Variants in PPARGC1A observed in about 807,000 individuals in gnomAD.
PPARGC1A encodes peroxisome proliferator-activated receptor gamma coactivator 1-alpha.
In PPARGC1A, 25 loss-of-function variants were observed where a neutral mutation model predicts 88.7. The ratio of observed to expected loss-of-function variants is 0.28; its 90% CI spans 0.21 to 0.39. The LOEUF is 0.39. PPARGC1A is among the 10% of genes least tolerant of loss of function. The pLI is 1.00. For synonymous variants in PPARGC1A, 363 were observed against 355.6 expected (o/e 1.02, Z -0.24); for missense variants, 880 against 968.7 (o/e 0.91, Z 1.22).
the PPARGC1A span, among the ~76,000 whole-genome samples, chr4:24,084,140 A>G: frequency 1.3e-5 from 2 of 152,166 alleles, no homozygotes; most frequent in African/African-American, 4.8e-5. Flanking sequence ...TTGTACCCTC[A>G]AGGCTTGGCT....
chr4:24,155,674 C>T, the PPARGC1A span, among the ~76,000 whole-genome samples: 2 of 151,806 alleles, frequency 1.3e-5, no homozygotes, highest in Non-Finnish European at 2.9e-5. Flanking sequence ...TGTGGTTTAG[C>T]TGCAAACAAA....
At chr4:24,351,598 CA>C in the PPARGC1A span, among the ~76,000 whole-genome samples, 1 of 151,892 alleles carries the variant, frequency 6.6e-6, no homozygotes, top group African/African-American at 2.4e-5. Context: ...CTCCATTTAC[CA>C]AAAAAATTCA....
chr4:23,969,212 A>C, the PPARGC1A span, among the ~76,000 whole-genome samples: 1 of 152,204 alleles, frequency 6.6e-6, no homozygotes, highest in African/African-American at 2.4e-5. Flanking sequence ...AGTCTCGATA[A>C]ATGTCTGTTT....
At chr4:24,300,496 A>G in the PPARGC1A span, among the ~76,000 whole-genome samples, 20 of 151,904 alleles carry the variant, frequency 1.3e-4, no homozygotes, top group African/African-American at 4.1e-4. Context: ...ACTCAGGTAG[A>G]TAACTATAAA....
At chr4:24,349,360 C>T in the PPARGC1A span, among the ~76,000 whole-genome samples, 1 of 152,182 alleles carries the variant, frequency 6.6e-6, no homozygotes, top group East Asian at 1.9e-4. Context: ...GGCCCTAGAA[C>T]TCCCAGGATT....
chr4:24,392,114 T>A, the PPARGC1A span, among the ~76,000 whole-genome samples: 1 of 152,172 alleles, frequency 6.6e-6, no homozygotes, highest in Non-Finnish European at 1.5e-5. Flanking sequence ...TCATTCGCTT[T>A]TTTCCTGGAT....
the PPARGC1A span, among the ~76,000 whole-genome samples, chr4:24,106,879 C>T: frequency 6.6e-6 from 1 of 152,182 alleles, no homozygotes; most frequent in Admixed American, 6.5e-5. Context: ...CCTGGCCTAG[C>T]AGCAGAACTG....
At chr4:24,218,730 C>T in the PPARGC1A span, among the ~76,000 whole-genome samples, 1 of 152,244 alleles carries the variant, frequency 6.6e-6, no homozygotes, top group African/African-American at 2.4e-5. Context: ...CAGTTACCAG[C>T]ATCCCTCCTC....
the PPARGC1A span, among the ~76,000 whole-genome samples, chr4:24,182,087 C>A: frequency 6.6e-6 from 1 of 151,912 alleles, no homozygotes; most frequent in African/African-American, 2.4e-5. Flanking sequence ...ACCTATCATC[C>A]CGTCATATAG....
the PPARGC1A span, among the ~76,000 whole-genome samples, chr4:24,245,819 C>G: frequency 6.6e-6 from 1 of 151,898 alleles, no homozygotes; most frequent in Admixed American, 6.6e-5. Context: ...TAATCATATC[C>G]CTATTCAGAT....
In PPARGC1A at chr4:23,832,906, G is replaced by A. The variant is rs865793567; in HGVS notation, c.235-1155C>T. 2.8e-5 allele frequency among the ~76,000 whole-genome samples: 4 copies of A among 140,662 alleles called. No homozygotes were observed. The East Asian group carries it at 6.0e-4, about 21-fold the overall frequency. The allele number at this position is 140,662 out of a possible 152,430, so 92.3% of individuals were successfully genotyped here. ...ATTACCGGCGTGAGCTACTGCGCCC[G>A]GCCCCAGTGCACTATTATTTCTAAT... On this transcript the variant is annotated intron_variant, in intron 2 of 12. Coordinates refer to ENST00000264867, the MANE Select transcript of PPARGC1A (RefSeq NM_013261.5).
chr4:23,974,335 T>G, the PPARGC1A span, among the ~76,000 whole-genome samples: 1 of 152,144 alleles, frequency 6.6e-6, no homozygotes, highest in Admixed American at 6.5e-5. Flanking sequence ...ACCATAACAA[T>G]TGCTGAGTGC....
chr4:23,902,552 CA>C (rs1265559940), upstream of PPARGC1A, among the ~76,000 whole-genome samples: 2 of 152,098 alleles, frequency 1.3e-5, no homozygotes, highest in Non-Finnish European at 2.9e-5. Flanking sequence ...ACATCTGTTG[CA>C]AAACATATAG....
the PPARGC1A span, among the ~76,000 whole-genome samples, chr4:24,383,081 A>G: frequency 5.1e-4 from 78 of 152,342 alleles, no homozygotes; most frequent in Non-Finnish European, 1.0e-3. Context: ...ATACCCACGC[A>G]AACAGGGTCT....
chr4:24,032,207 T>C, the PPARGC1A span, among the ~76,000 whole-genome samples: 1 of 152,226 alleles, frequency 6.6e-6, no homozygotes, highest in African/African-American at 2.4e-5. Flanking sequence ...CATTTTCTCA[T>C]AACCTTTTGA....
chr4:24,387,838 A>AAGAAAG, the PPARGC1A span, among the ~76,000 whole-genome samples: 13 of 72,490 alleles, frequency 1.8e-4, no homozygotes, highest in South Asian at 5.1e-4. Flanking sequence ...GAAAGAGAGA[A>AAGAAAG]AGAGAGAGAG....
chr4:24,086,159 G>A, the PPARGC1A span, among the ~76,000 whole-genome samples: 1 of 151,982 alleles, frequency 6.6e-6, no homozygotes, highest in Non-Finnish European at 1.5e-5. Flanking sequence ...CCATGATTTG[G>A]TTAGTTATTA....
chr4:24,087,421 C>A, the PPARGC1A span, among the ~76,000 whole-genome samples: 1 of 152,132 alleles, frequency 6.6e-6, no homozygotes, highest in Admixed American at 6.6e-5. Flanking sequence ...ATTTCTAGAC[C>A]AGTTCAAAAT....
the PPARGC1A span, among the ~76,000 whole-genome samples, chr4:23,990,025 T>C: frequency 7.5e-5 from 11 of 147,040 alleles, no homozygotes; most frequent in African/African-American, 1.2e-4. Flanking sequence ...TATATAGATA[T>C]GTATATCTAT....
Sources: allele counts gnomAD v4.1 joint callset (sites outside exome capture counted in the v4.1 genomes callset), GRCh38; gene constraint gnomAD v4.1.1; transcripts MANE v1.5; gene names NCBI Gene and HGNC (gene_info 2026-07-23, HGNC 2026-07-21).